The following SORCS1 variants were observed in gnomAD, a reference collection of about 807,000 sequenced individuals.
The protein encoded by SORCS1 is VPS10 domain-containing receptor SorCS1.
In SORCS1, 60 loss-of-function variants were observed where a neutral mutation model predicts 146.1. The ratio of observed to expected loss-of-function variants is 0.41; its 90% CI spans 0.33 to 0.51. SORCS1 has a LOEUF of 0.51. Among genes scored for constraint, SORCS1 ranks in the 20% least tolerant of loss-of-function variants. The pLI is 0.21. For missense variants in SORCS1, 1,352 were observed against 1,487.6 expected, an observed-to-expected ratio of 0.91 and a Z score of 1.50; for synonymous variants, 637 against 584.0, an observed-to-expected ratio of 1.09 and a Z score of -1.31.
At chr10:106,722,740 G>C (rs1855871605) in intron 6 of SORCS1, among the ~76,000 whole-genome samples, 1 of 152,168 alleles carries the variant, frequency 6.6e-6, no homozygotes, top group Non-Finnish European at 1.5e-5. Flanking sequence ...TATTTCAGAA[G>C]TAAAAGGGAG....
At chr10:107,174,569 C>A in the SORCS1 span, among the ~76,000 whole-genome samples, 1 of 152,014 alleles carries the variant, frequency 6.6e-6, no homozygotes, top group African/African-American at 2.4e-5. Context: ...TGACTATGAT[C>A]TCTTTATCTT....
At chr10:106,650,708 T>A (rs1849797738) in intron 18 of SORCS1, among the ~76,000 whole-genome samples, 3 of 152,148 alleles carry the variant, frequency 2.0e-5, no homozygotes, top group Admixed American at 6.5e-5. Context: ...CTGAACCTCC[T>A]CTATAGTGTG....
chr10:106,730,012 T>C, intron 6 of SORCS1, 38 bp downstream of exon 6: 1 of 1,601,820 alleles, frequency 6.2e-7, no homozygotes, highest in Non-Finnish European at 8.6e-7. Flanking sequence ...ATAGAACTAA[T>C]ATTACTATGA....
At chr10:106,938,222 C>T (rs1356428416) in intron 2 of SORCS1, among the ~76,000 whole-genome samples, 1 of 152,154 alleles carries the variant, frequency 6.6e-6, no homozygotes, top group Admixed American at 6.5e-5. Context: ...TTCAAAATCT[C>T]AATCTGCTCT....
intron 1 of SORCS1, among the ~76,000 whole-genome samples, chr10:107,130,196 C>T (rs1156259448): frequency 6.6e-6 from 1 of 152,136 alleles, no homozygotes; most frequent in Non-Finnish European, 1.5e-5. Context: ...AATAATGAGA[C>T]AATCTGAATA....
intron 1 of SORCS1, among the ~76,000 whole-genome samples, chr10:107,068,215 A>C (rs537387000): frequency 6.6e-6 from 1 of 152,144 alleles, no homozygotes; most frequent in South Asian, 2.1e-4. Flanking sequence ...TCTGGAATCC[A>C]CTCAAGATCT....
intron 21 of SORCS1, among the ~76,000 whole-genome samples, chr10:106,617,927 T>C (rs888511742): frequency 1.3e-5 from 2 of 152,210 alleles, no homozygotes; most frequent in African/African-American, 2.4e-5. Flanking sequence ...GAATAGTCAC[T>C]CTACCTCTAA....
At chr10:107,175,052 CAATATTA>C in the SORCS1 span, among the ~76,000 whole-genome samples, 2 of 152,182 alleles carry the variant, frequency 1.3e-5, no homozygotes, top group African/African-American at 4.8e-5. Flanking sequence ...TCTGTTCTGT[CAATATTA>C]ACTAATTATC....
intron 1 of SORCS1, among the ~76,000 whole-genome samples, chr10:106,957,423 C>A (rs574383999): frequency 9.9e-5 from 15 of 152,116 alleles, no homozygotes; most frequent in African/African-American, 3.6e-4. Flanking sequence ...CCACCTGCCT[C>A]AGCCTCTCAA....
chr10:107,038,924 C>A (rs968811965), intron 1 of SORCS1, among the ~76,000 whole-genome samples: 1 of 151,712 alleles, frequency 6.6e-6, no homozygotes, highest in East Asian at 1.9e-4. Flanking sequence ...AGAGTTAATG[C>A]AAAATAAAGA....
At chr10:106,940,944 C>T (rs1157108963) in intron 2 of SORCS1, among the ~76,000 whole-genome samples, 1 of 151,948 alleles carries the variant, frequency 6.6e-6, no homozygotes, top group Non-Finnish European at 1.5e-5. Flanking sequence ...GGGAAGGATC[C>T]CACAAAAGAT....
chr10:107,003,192 T>G (rs1187798157), intron 1 of SORCS1, among the ~76,000 whole-genome samples: 1 of 151,504 alleles, frequency 6.6e-6, no homozygotes, highest in Non-Finnish European at 1.5e-5. Flanking sequence ...GAGGTAGAGG[T>G]TACAGTGAGC....
At chr10:107,011,846 C>A (rs563555908) in intron 1 of SORCS1, among the ~76,000 whole-genome samples, 76 of 152,028 alleles carry the variant, frequency 5.0e-4, no homozygotes, top group Non-Finnish European at 1.0e-3. Flanking sequence ...ATTTGCCATA[C>A]CTGGAATATT....
chr10:106,792,786 C>A (rs1700617551), intron 3 of SORCS1, among the ~76,000 whole-genome samples: 1 of 152,108 alleles, frequency 6.6e-6, no homozygotes, highest in Non-Finnish European at 1.5e-5. Context: ...CTAAATGGAA[C>A]CTTATGTGCC....
chr10:106,694,446 C>T (rs1422112047), intron 9 of SORCS1, among the ~76,000 whole-genome samples: 1 of 152,050 alleles, frequency 6.6e-6, no homozygotes, highest in Non-Finnish European at 1.5e-5. Flanking sequence ...ATGGTTTCGC[C>T]ATGTTGGCCA....
intron 1 of SORCS1, among the ~76,000 whole-genome samples, chr10:107,095,142 C>G (rs1305028106): frequency 6.6e-6 from 1 of 152,074 alleles, no homozygotes; most frequent in Non-Finnish European, 1.5e-5. Flanking sequence ...GAGTAAATGG[C>G]CCAAGCTAGG....
At chr10:106,901,225 A>C (rs1951687528) in intron 2 of SORCS1, among the ~76,000 whole-genome samples, 1 of 152,222 alleles carries the variant, frequency 6.6e-6, no homozygotes, top group South Asian at 2.1e-4. Flanking sequence ...AGGAGGGATT[A>C]ATTCACAGGT....
intron 2 of SORCS1, among the ~76,000 whole-genome samples, chr10:106,943,791 C>G (rs1954173491): frequency 1.3e-5 from 2 of 152,078 alleles, no homozygotes; most frequent in Admixed American, 1.3e-4. Flanking sequence ...GCCTAGGCAA[C>G]AGAGTGAGAC....
At chr10:106,725,590 T>TAAATAAA (rs1466814667) in intron 6 of SORCS1, among the ~76,000 whole-genome samples, 1 of 59,204 alleles carries the variant, frequency 1.7e-5, no homozygotes, top group Non-Finnish European at 4.1e-5. Context: ...AAATAAATAA[T>TAAATAAA]AACAGTAATG....
Sources: allele counts gnomAD v4.1 joint callset (sites outside exome capture counted in the v4.1 genomes callset), GRCh38; gene constraint gnomAD v4.1.1; transcripts MANE v1.5; gene names NCBI Gene and HGNC (gene_info 2026-07-23, HGNC 2026-07-21).